SNTB1: variants seen among roughly 807,000 people sequenced by gnomAD.
The protein encoded by SNTB1 is syntrophin beta 1.
In SNTB1, 36 loss-of-function variants were observed where a neutral mutation model predicts 48.9. The observed-to-expected ratio is 0.74, with a 90% CI of 0.56 to 0.97. The LOEUF (loss-of-function observed/expected upper bound fraction) is 0.97. SNTB1 is among the 50% of genes least tolerant of loss of function. The probability of loss-of-function intolerance (pLI) is 0.00; values close to 1 mark genes in which losing one functional copy is unlikely to be tolerated. For synonymous variants in SNTB1, 299 were observed against 294.6 expected, an observed-to-expected ratio of 1.01 and a Z score of -0.15; for missense variants, 786 against 703.4, an observed-to-expected ratio of 1.12 and a Z score of -1.33.
intron 2 of SNTB1, among the ~76,000 whole-genome samples, chr8:120,658,493 T>TA (rs1483887171): frequency 6.6e-6 from 1 of 152,180 alleles, no homozygotes; most frequent in Non-Finnish European, 1.5e-5. Context: ...AATATGACCA[T>TA]ACAGTGAATA....
At chr8:120,632,390 C>T (rs1010311177) in intron 3 of SNTB1, 54 bp downstream of exon 3, 11 of 1,499,886 alleles carry the variant, frequency 7.3e-6, no homozygotes, top group Admixed American at 1.8e-5. Context: ...TGGTTATGAG[C>T]GCTGGGGGAA....
intron 2 of SNTB1, among the ~76,000 whole-genome samples, chr8:120,671,711 G>C (rs1817759893): frequency 6.6e-6 from 1 of 152,178 alleles, no homozygotes; most frequent in Non-Finnish European, 1.5e-5. Context: ...GTAGTAATTT[G>C]TTATGGAAGT....
intron 1 of SNTB1, among the ~76,000 whole-genome samples, chr8:120,799,113 G>A (rs962771980): frequency 1.3e-5 from 2 of 151,982 alleles, no homozygotes; most frequent in Non-Finnish European, 2.9e-5. Context: ...ATTGGGACAT[G>A]CTGAGCTCTA....
chr8:120,620,530 A>G (rs1816776936), intron 3 of SNTB1, among the ~76,000 whole-genome samples: 1 of 151,852 alleles, frequency 6.6e-6, no homozygotes, highest in Admixed American at 6.6e-5. Flanking sequence ...ATAAGTTCTT[A>G]TTGCACTTAC....
rs143794499 is a variant in SNTB1, at chr8:120,640,881, T to C, written c.789-8230A>G. On this transcript the variant is annotated intron_variant, in intron 2 of 6. Coordinates refer to ENST00000517992, the MANE Select transcript of SNTB1 (RefSeq NM_021021.4). ...CCAGGCTTTGGTATCAGGATGATGC[T>C]AGCCTCATAAAATGAGTTAGGGAGA... is the stretch of plus-strand genomic sequence containing the variant. 2.8e-3 allele frequency among the ~76,000 whole-genome samples: 422 copies of C among 152,290 alleles called. 2 individuals are homozygous for C. Among genetic ancestry groups the C allele is most frequent in the African/African-American group, 8.9e-3 (370 of 41,570 alleles).
At chr8:120,639,402 A>G (rs1165928191) in intron 2 of SNTB1, among the ~76,000 whole-genome samples, 1 of 152,118 alleles carries the variant, frequency 6.6e-6, no homozygotes, top group African/African-American at 2.4e-5. Context: ...ATTAGATGCC[A>G]TTTGTCAATT....
intron 1 of SNTB1, among the ~76,000 whole-genome samples, chr8:120,700,736 C>T (rs1248952655): frequency 6.6e-6 from 1 of 152,182 alleles, no homozygotes; most frequent in Non-Finnish European, 1.5e-5. Context: ...GTTGCCACAA[C>T]TAAATCTTTG....
In SNTB1 at chr8:120,689,437, C is replaced by T. The variant is rs368882543; in HGVS notation, c.788+4255G>A. Among the ~76,000 whole-genome samples the T allele has an allele frequency of 1.4e-4, 21 of 152,248 alleles. 1 individual carries two copies. In the East Asian group the frequency reaches 1.5e-3, roughly 11 times the overall value. The stretch of plus-strand genomic sequence containing the variant: ...GCTTGGGTTTGAATCCGAGATCTAC[C>T]GTTTGCTTCAACTCTCATTTCTCAG... On this transcript the variant is annotated intron_variant, in intron 2 of 6. Coordinates refer to ENST00000517992, the MANE Select transcript of SNTB1 (RefSeq NM_021021.4).
At chr8:120,809,884 A>G (rs1462886791) in intron 1 of SNTB1, among the ~76,000 whole-genome samples, 4 of 152,180 alleles carry the variant, frequency 2.6e-5, no homozygotes, top group Non-Finnish European at 5.9e-5. Context: ...ATTTCTCTGC[A>G]TTGTGGGCCA....
chr8:120,540,445 A>T (rs1563812292), intron 6 of SNTB1, among the ~76,000 whole-genome samples: 1 of 152,214 alleles, frequency 6.6e-6, no homozygotes, highest in Non-Finnish European at 1.5e-5. Flanking sequence ...GATTTTCCTC[A>T]TGGGCAAAAA....
At chr8:120,632,741 C>T in intron 2 of SNTB1, 90 bp from the exon 3 acceptor site, 1 of 1,080,532 alleles carries the variant, frequency 9.3e-7, no homozygotes, top group Non-Finnish European at 1.4e-6. Context: ...TAATTCTTTA[C>T]TCCTTCTTTT....
intron 4 of SNTB1, among the ~76,000 whole-genome samples, chr8:120,559,260 C>T (rs183808446): frequency 2.6e-5 from 4 of 152,208 alleles, no homozygotes; most frequent in Admixed American, 6.5e-5. Flanking sequence ...CTGGTGTTTT[C>T]GGTAGTAACT....
At chr8:120,587,325 G>T (rs1415539885) in intron 3 of SNTB1, among the ~76,000 whole-genome samples, 1 of 152,190 alleles carries the variant, frequency 6.6e-6, no homozygotes, top group Non-Finnish European at 1.5e-5. Flanking sequence ...GCAGCTTTAA[G>T]AGTTCAGCAC....
At chr8:120,735,336 C>T (rs544760428) in intron 1 of SNTB1, among the ~76,000 whole-genome samples, 147 of 152,260 alleles carry the variant, frequency 9.7e-4, no homozygotes, top group African/African-American at 3.3e-3. Flanking sequence ...AAAAGGGAGG[C>T]AGCAAGGCAT....
chr8:120,679,716 G>T (rs1817896709), intron 2 of SNTB1, among the ~76,000 whole-genome samples: 1 of 152,128 alleles, frequency 6.6e-6, no homozygotes, highest in Non-Finnish European at 1.5e-5. Context: ...CCAGCCTCTA[G>T]TCTTGCCTCC....
At chr8:120,798,504 G>A (rs978038153) in intron 1 of SNTB1, among the ~76,000 whole-genome samples, 18 of 152,192 alleles carry the variant, frequency 1.2e-4, no homozygotes, top group African/African-American at 3.9e-4. Context: ...CCTCCACAAT[G>A]AAGAACTATC....
At chr8:120,730,883 G>T (rs180925161) in intron 1 of SNTB1, among the ~76,000 whole-genome samples, 187 of 152,198 alleles carry the variant, frequency 1.2e-3, no homozygotes, top group African/African-American at 4.3e-3. Context: ...ACTTTGGGAG[G>T]CCGAGACATG....
At position 120,582,757 on chromosome 8, in the gene SNTB1, C is replaced by T. The variant is rs904600917; in HGVS notation, c.997-7532G>A. 9.5e-5 allele frequency among the ~76,000 whole-genome samples: 14 copies of T among 147,590 alleles called. 1 individual carries two copies. The South Asian group carries it at 1.1e-3, about 12-fold the overall frequency. On this transcript the variant is annotated intron_variant, in intron 3 of 6. Coordinates refer to ENST00000517992, the MANE Select transcript of SNTB1 (RefSeq NM_021021.4). The stretch of plus-strand genomic sequence containing the variant: ...GGGAATATCACACACTGGGGCCTGT[C>T]GGGGGATGGGGGACAAGGGGAGGGA...
At chr8:120,727,475 C>G (rs1370868204) in intron 1 of SNTB1, among the ~76,000 whole-genome samples, 1 of 152,198 alleles carries the variant, frequency 6.6e-6, no homozygotes, top group Non-Finnish European at 1.5e-5. Flanking sequence ...AGAATAGTCA[C>G]TACCTTGAAG....
Sources: gnomAD v4.1 joint callset for allele counts (sites outside exome capture counted in the v4.1 genomes callset) on GRCh38, gnomAD v4.1.1 for gene constraint, MANE v1.5 for transcripts, NCBI Gene and HGNC (gene_info 2026-07-23, HGNC 2026-07-21) for gene names.